Variants in NAPRT observed in about 807,000 individuals in gnomAD.
NAPRT encodes the protein FHA-HIT-interacting protein.
A neutral mutation model predicts 60.7 loss-of-function variants in NAPRT; 66 were observed. The ratio of observed to expected loss-of-function variants is 1.09; its 90% CI spans 0.89 to 1.33. The LOEUF (loss-of-function observed/expected upper bound fraction) is 1.33. NAPRT is among the 40% of genes most tolerant of loss of function. The pLI is 0.00. For synonymous variants in NAPRT, 405 were observed against 335.7 expected (o/e 1.21, Z -2.26); for missense variants, 818 against 731.5 (o/e 1.12, Z -1.36).
At chr8:143,576,042 C>A (rs2130692755) in intron 8 of NAPRT, 36 bp downstream of exon 8, 2 of 1,526,012 alleles carry the variant, frequency 1.3e-6, no homozygotes, top group Non-Finnish European at 1.8e-6. Flanking sequence ...CCAGAGCCCC[C>A]CAGCCACCCT....
chr8:143,574,067 C>T (rs990015869), downstream of NAPRT, among the ~76,000 whole-genome samples: 41 of 152,270 alleles, frequency 2.7e-4, no homozygotes, highest in African/African-American at 9.6e-4. Context: ...CTCCCCCAAG[C>T]AGTTCCTCTT....
rs1309466286 is a variant in NAPRT at position 143,575,246 on chromosome 8, G to GT, written c.1390dup (p.Thr464AsnfsTer22). 6.2e-7 allele frequency: 1 copy of GT among 1,612,584 alleles called. No homozygotes were observed. Among genetic ancestry groups the GT allele is most frequent in the East Asian group, 2.2e-5 (1 of 44,884 alleles). On this transcript the variant is annotated frameshift_variant, in exon 11 of 13. Coordinates refer to ENST00000449291, the MANE Select transcript of NAPRT (RefSeq NM_145201.6). LOFTEE classifies it high-confidence loss of function. ...TGGCTCCACCTGGGCTGGCCTCACG[G>GT]TGCAGGGCTCCTGGGCCCCTGGAGG...
Position 143,574,876 on chromosome 8 carries a change from C to T in NAPRT, c.1579G>A (p.Ala527Thr). ...CCCGCACACAGACTGTTCACCAGGG[C>T]CTGCAGCCTCTCGGACAGCACCACC... ...YQVVLSERLQ[A>T]LVNSLCAGQS... The change falls in exon 13 of 13, where the codon GCC becomes ACC. Residue 527 changes from alanine to threonine, a missense_variant. By Grantham distance (58) the Ala-to-Thr change is moderately conservative. Transcript: ENST00000449291. 1.3e-6 allele frequency: 2 copies of T among 1,550,622 alleles called. No individual in the cohort carries two copies. The highest frequency in any genetic ancestry group is 1.7e-6 in the Non-Finnish European group (2 of 1,147,004).
downstream of NAPRT, among the ~76,000 whole-genome samples, chr8:143,573,219 CACGCTGG>C (rs1824182045): frequency 6.6e-6 from 1 of 152,206 alleles, no homozygotes; most frequent in South Asian, 2.1e-4. Context: ...CCGCCCCCTG[CACGCTGG>C]CTCTGTCAGA....
rs1824609045 is a variant in NAPRT, at chr8:143,577,899, C to G, written c.271G>C (p.Ala91Pro). Residue 91 changes from alanine (A) to proline (P), a missense_variant, in exon 2 of 13, where the codon GCG (alanine) becomes CCG (proline). Physicochemically the swap from Ala to Pro is conservative, Grantham distance 27. Transcript: ENST00000449291. ...ASVLPPDTDP[A>P]FFEHLRALDC... ...AGGGCCCGAAGGTGCTCGAAGAACG[C>G]AGGATCCGTGTCTGGGGGCAGCACC... 1 of 1,612,234 alleles carries G rather than the reference C, an allele frequency of 6.2e-7. No homozygotes were observed. The highest frequency in any genetic ancestry group is 1.3e-5 in the African/African-American group (1 of 75,024).
At chr8:143,573,145 A>C (rs10866912), downstream of NAPRT, among the ~76,000 whole-genome samples, 61,322 of 152,014 alleles carry the variant, frequency 0.4, 15,007 homozygotes, top group Non-Finnish European at 0.54. Flanking sequence ...TCAGCCCCCA[A>C]GCAGCAGTCA....
At position 143,577,648 on chromosome 8, in the gene NAPRT, G is replaced by T; in HGVS notation, c.437+9C>A. 6.5e-7 allele frequency: 1 copy of T among 1,536,484 alleles called. No individual in the cohort carries two copies. On this transcript the variant is annotated intron_variant, in intron 3 of 12. Transcript: ENST00000449291. ...TGCCCACGCTCCCTGCCAGTGGCCCGCAGCCCACCTGGCGTAGCTGACCAG... is the reference window on the plus strand; with the variant it reads ...TGCCCACGCTCCCTGCCAGTGGCCCTCAGCCCACCTGGCGTAGCTGACCAG...
At chr8:143,574,653 G>A, downstream of NAPRT, 1 of 723,370 alleles carries the variant, frequency 1.4e-6, no homozygotes, top group Non-Finnish European at 2.4e-6. Context: ...CGCCGGCAGG[G>A]CCTGTGCTTT....
rs1015669318 is a variant in NAPRT, at chr8:143,577,071, G to C, written c.675C>G (p.Pro225=). 3.1e-6 allele frequency: 5 copies of C among 1,612,784 alleles called. No individual in the cohort carries two copies. The highest frequency in any genetic ancestry group is 3.4e-6 in the Non-Finnish European group (4 of 1,179,754). The change falls in exon 5 of 13, where the codon CCC becomes CCG. Residue 225 remains proline, a synonymous_variant. Transcript: ENST00000449291. ...TAGAGGAGGGACTGACCGGGTCAGG[G>C]GGCACCTCGCTGCCTGAAAAGGAAG... ...FVTSFSGSEV[P]PDPMLAPAAG...
At chr8:143,575,969 G>C (rs939278965) in intron 8 of NAPRT, 109 bp downstream of exon 8, 15 of 910,434 alleles carry the variant, frequency 1.6e-5, no homozygotes, top group Non-Finnish European at 2.4e-5. Flanking sequence ...TGGGGAAGGG[G>C]GTGGCAGTGC....
At chr8:143,575,546 G>T (rs778068428) in intron 9 of NAPRT, 21 bp from the exon 10 acceptor site, 1 of 1,596,766 alleles carries the variant, frequency 6.3e-7, no homozygotes, top group Non-Finnish European at 8.6e-7. Context: ...AGGGCGTTGA[G>T]CTGGCTGGTC....
chr8:143,576,039 C>T lies in NAPRT; in HGVS notation c.1107+39G>A, dbSNP rs748221356. 3.3e-6 allele frequency: 5 copies of T among 1,510,770 alleles called. No individual in the cohort carries two copies. The African/African-American group carries it at 6.9e-5, about 21-fold the overall frequency. 93.6% of individuals were successfully genotyped at this position (1,510,770 alleles called of 1,614,324 possible). A position where few individuals can be genotyped will look rare whatever the true frequency, so the allele number is the denominator to read the frequency against. On this transcript the variant is annotated intron_variant, in intron 8 of 12. Coordinates refer to ENST00000449291, the MANE Select transcript of NAPRT (RefSeq NM_145201.6). ...CAGAACCTGCAGGGGCCCCCAGAGC[C>T]CCCCAGCCACCCTCCGCCTACCCAC... is the stretch of plus-strand genomic sequence containing the variant.
At chr8:143,572,976 T>G, downstream of NAPRT, 1 of 464,544 alleles carries the variant, frequency 2.2e-6, no homozygotes, top group Non-Finnish European at 3.8e-6. Flanking sequence ...GAGAACAGGA[T>G]CCCCAAGAGC....
chr8:143,576,183 G>A, intron 7 of NAPRT, 21 bp from the exon 8 acceptor site: 2 of 1,576,640 alleles, frequency 1.3e-6, no homozygotes, highest in South Asian at 1.2e-5. Flanking sequence ...GGTGGAGAAA[G>A]GGTGGGGGCC....
Position 143,577,131 on chromosome 8 carries a change from C to T in NAPRT, c.615G>A (p.Val205=). The T allele has an allele frequency of 6.2e-7, 1 of 1,612,978 alleles. No homozygotes were observed. The highest frequency in any genetic ancestry group is 8.5e-7 in the Non-Finnish European group (1 of 1,179,936). ...SNVLAGQLRG[V]PVAGTLAHSF... ...AGTGGGCCAGGGTCCCGGCCACCGG[C>T]ACACCTCGCAGCTGGCCCGCTAGCA... Residue 205 remains valine (V), a synonymous_variant, in exon 5 of 13, where the codon GTG becomes GTA. Transcript: ENST00000449291.
At position 143,575,640 on chromosome 8, in the gene NAPRT, G is replaced by A. The variant is rs759527233; in HGVS notation, c.1170C>T (p.Ser390=). ...TCCCTACCTTATAGACGCCACCCAGGGAAGGCTGTTGGGGGCAGGTGACCA... is the reference window on the plus strand; with the variant it reads ...TCCCTACCTTATAGACGCCACCCAGAGAAGGCTGTTGGGGGCAGGTGACCA... ...TSVVTCPQQP[S]LGGVYKLVAV... The change falls in exon 9 of 13, where the codon TCC becomes TCT. Residue 390 remains serine (S), a synonymous_variant. Transcript: ENST00000449291. 5.0e-6 allele frequency: 8 copies of A among 1,595,776 alleles called. No homozygotes were observed. The highest frequency in any genetic ancestry group is 6.8e-6 in the Non-Finnish European group (8 of 1,172,034).
intron 7 of NAPRT, 43 bp from the exon 8 acceptor site, chr8:143,576,205 C>G (rs754757424): frequency 6.6e-7 from 1 of 1,519,560 alleles, no homozygotes; most frequent in East Asian, 2.3e-5. Context: ...CCCCTCGGGT[C>G]TTCCTGATTC....
At position 143,577,269 on chromosome 8, in the gene NAPRT, CG is replaced by C; in HGVS notation, c.567del (p.Gly190AlafsTer9). ...GLTASTYSYL[G>X]GFDSSSNVLA... ...GCCTTGCCCCGCACCAGACACTCAC[CG>C]CCCAGGTAGCTGTAGGTGGAGGCTG... On this transcript the variant is annotated frameshift_variant and splice_region_variant, in exon 4 of 13. Coordinates refer to ENST00000449291, the MANE Select transcript of NAPRT (RefSeq NM_145201.6). LOFTEE classifies it high-confidence loss of function. The C allele has an allele frequency of 6.2e-7, 1 of 1,608,952 alleles. No individual in the cohort carries two copies. Among genetic ancestry groups the C allele is most frequent in the South Asian group, 1.1e-5 (1 of 90,636 alleles).
At position 143,575,638 on chromosome 8, in the gene NAPRT, A is replaced by G; in HGVS notation, c.1172T>C (p.Leu391Pro). ...TGTCCCTACCTTATAGACGCCACCC[A>G]GGGAAGGCTGTTGGGGGCAGGTGAC... ...SVVTCPQQPS[L>P]GGVYKLVAVG... is the part of the protein sequence containing the mutation. Residue 391 changes from leucine to proline, a missense_variant, in exon 9 of 13, where the codon CTG becomes CCG. Coordinates refer to ENST00000449291, the MANE Select transcript of NAPRT (RefSeq NM_145201.6). 6.3e-7 allele frequency: 1 copy of G among 1,595,582 alleles called. No individual in the cohort carries two copies. Among genetic ancestry groups the G allele is most frequent in the African/African-American group, 1.3e-5 (1 of 74,776 alleles).
Sources: gnomAD v4.1 joint callset for allele counts (sites outside exome capture counted in the v4.1 genomes callset) on GRCh38, gnomAD v4.1.1 for gene constraint, MANE v1.5 for transcripts, NCBI Gene and HGNC (gene_info 2026-07-23, HGNC 2026-07-21) for gene names.